Variants in IGSF11 observed in about 807,000 individuals in gnomAD.
IGSF11 encodes the protein CXADR like 1.
In IGSF11, 22 loss-of-function variants were observed where a neutral mutation model predicts 41.0. The observed-to-expected ratio is 0.54, with a 90% CI of 0.38 to 0.77. The LOEUF (loss-of-function observed/expected upper bound fraction) is 0.77. Ranked by LOEUF, IGSF11 falls within the 30% of genes least tolerant of loss-of-function variation. The probability of loss-of-function intolerance (pLI) is 0.00; values close to 1 mark genes in which losing one functional copy is unlikely to be tolerated. For synonymous variants in IGSF11, 219 were observed against 201.3 expected (o/e 1.09, Z -0.74); for missense variants, 444 against 530.8 (o/e 0.84, Z 1.61).
intron 4 of IGSF11, among the ~76,000 whole-genome samples, chr3:118,917,434 G>C (rs1173405610): frequency 1.4e-5 from 2 of 147,664 alleles, no homozygotes; most frequent in Middle Eastern, 3.4e-3. Flanking sequence ...TATCACCACC[G>C]ATCCCACAGA....
intron 1 of IGSF11, among the ~76,000 whole-genome samples, chr3:119,005,210 T>G (rs1374326535): frequency 1.4e-5 from 2 of 146,376 alleles, no homozygotes; most frequent in Non-Finnish European, 3.0e-5. Context: ...CCCTTTACCA[T>G]TATGTAATGG....
intron 1 of IGSF11, among the ~76,000 whole-genome samples, chr3:119,017,845 T>C (rs1938893226): frequency 6.8e-6 from 1 of 146,350 alleles, no homozygotes; most frequent in Non-Finnish European, 1.5e-5. Context: ...TGCAATGGTG[T>C]GATCTCGGCT....
At chr3:118,966,166 A>G (rs1945662210) in intron 1 of IGSF11, among the ~76,000 whole-genome samples, 1 of 152,180 alleles carries the variant, frequency 6.6e-6, no homozygotes, top group South Asian at 2.1e-4. Context: ...CCTGCACATA[A>G]TATACGTATG....
At chr3:119,008,276 G>A (rs1339705517) in intron 1 of IGSF11, among the ~76,000 whole-genome samples, 3 of 152,158 alleles carry the variant, frequency 2.0e-5, no homozygotes, top group Non-Finnish European at 4.4e-5. Flanking sequence ...TATACCAAGA[G>A]ATCATCCAAA....
At chr3:118,950,300 T>C (rs1283326909) in intron 1 of IGSF11, among the ~76,000 whole-genome samples, 2 of 152,170 alleles carry the variant, frequency 1.3e-5, no homozygotes, top group Non-Finnish European at 2.9e-5. Context: ...CAGCTCAAGC[T>C]TTCTCCGGTT....
intron 4 of IGSF11, among the ~76,000 whole-genome samples, chr3:118,912,476 C>T (rs949446394): frequency 6.6e-6 from 1 of 152,152 alleles, no homozygotes; most frequent in Non-Finnish European, 1.5e-5. Flanking sequence ...CTCCAATCAT[C>T]TCACTCACCA....
At chr3:118,926,345 C>G in intron 3 of IGSF11, 89 bp from the exon 4 acceptor site, 1 of 1,069,016 alleles carries the variant, frequency 9.4e-7, no homozygotes, top group Non-Finnish European at 1.3e-6. Context: ...TACATTGGAC[C>G]CTTAGATTAC....
intron 1 of IGSF11, among the ~76,000 whole-genome samples, chr3:119,060,268 C>G (rs1247536519): frequency 6.6e-6 from 1 of 152,096 alleles, no homozygotes; most frequent in East Asian, 1.9e-4. Context: ...TATTGATTAA[C>G]TTATACTTCA....
At chr3:119,044,543 T>G (rs1941244156) in intron 1 of IGSF11, among the ~76,000 whole-genome samples, 1 of 152,130 alleles carries the variant, frequency 6.6e-6, no homozygotes, top group Non-Finnish European at 1.5e-5. Flanking sequence ...GATATTCAAA[T>G]ATAAGATGCT....
At chr3:118,903,091 C>T (rs1206167097) in intron 6 of IGSF11, 130 bp from the exon 7 acceptor site, 21 of 852,800 alleles carry the variant, frequency 2.5e-5, no homozygotes, top group Admixed American at 5.7e-5. Flanking sequence ...ACTACTCTAT[C>T]GTGAAAGCAG....
intron 1 of IGSF11, among the ~76,000 whole-genome samples, chr3:118,963,990 T>A (rs1312319127): frequency 6.6e-6 from 1 of 152,152 alleles, no homozygotes; most frequent in African/African-American, 2.4e-5. Context: ...TTTTTAGGTC[T>A]CAGAATATGA....
chr3:119,004,606 A>G (rs984747044), intron 1 of IGSF11, among the ~76,000 whole-genome samples: 2 of 144,666 alleles, frequency 1.4e-5, no homozygotes, highest in African/African-American at 5.4e-5. Context: ...ATTTAGTGCT[A>G]TAAATTTCCC....
intron 1 of IGSF11, among the ~76,000 whole-genome samples, chr3:119,051,520 A>G (rs1941626245): frequency 6.6e-6 from 1 of 152,226 alleles, no homozygotes; most frequent in Non-Finnish European, 1.5e-5. Flanking sequence ...ATGGCAATAC[A>G]GTAAGAGTGG....
chr3:118,981,791 T>C (rs1934748348), intron 1 of IGSF11: 1 of 152,364 alleles, frequency 6.6e-6, no homozygotes, highest in Non-Finnish European at 1.5e-5. Flanking sequence ...GGAAACTTAC[T>C]TGGGTAACAC....
intron 1 of IGSF11, among the ~76,000 whole-genome samples, chr3:119,112,425 G>A (rs543547550): frequency 6.6e-6 from 1 of 152,266 alleles, no homozygotes; most frequent in South Asian, 2.1e-4. Flanking sequence ...CTCCTGGTGT[G>A]CCGTTTCCTA....
intron 1 of IGSF11, among the ~76,000 whole-genome samples, chr3:119,045,311 G>T (rs1431192634): frequency 6.6e-6 from 1 of 152,230 alleles, no homozygotes; most frequent in East Asian, 1.9e-4. Flanking sequence ...CCGAAGCAGG[G>T]CGAGGCATTG....
At chr3:119,111,174 C>A (rs1274296071) in intron 1 of IGSF11, among the ~76,000 whole-genome samples, 1 of 152,166 alleles carries the variant, frequency 6.6e-6, no homozygotes, top group East Asian at 1.9e-4. Flanking sequence ...TGGATAATAT[C>A]CTGCAGAGTG....
chr3:119,121,521 G>A (rs992230226), intron 1 of IGSF11, among the ~76,000 whole-genome samples: 1 of 152,006 alleles, frequency 6.6e-6, no homozygotes, highest in Non-Finnish European at 1.5e-5. Flanking sequence ...TCAGTCTGAG[G>A]AGAAGAAAGA....
At chr3:119,113,944 C>T (rs894861535) in intron 1 of IGSF11, among the ~76,000 whole-genome samples, 1 of 152,248 alleles carries the variant, frequency 6.6e-6, no homozygotes, top group Non-Finnish European at 1.5e-5. Flanking sequence ...ATGTGGAAAC[C>T]ACCAAGGCTT....
Sources: gnomAD v4.1 joint callset for allele counts (sites outside exome capture counted in the v4.1 genomes callset) on GRCh38, gnomAD v4.1.1 for gene constraint, MANE v1.5 for transcripts, NCBI Gene and HGNC (gene_info 2026-07-23, HGNC 2026-07-21) for gene names.